PLEKHG5: variants seen among roughly 807,000 people sequenced by gnomAD.
PLEKHG5 encodes the protein pleckstrin homology domain-containing family G member 5.
A neutral mutation model predicts 103.8 loss-of-function variants in PLEKHG5; 52 were observed. The observed-to-expected ratio is 0.50, with a 90% CI of 0.40 to 0.63. The LOEUF (loss-of-function observed/expected upper bound fraction) is 0.63, where lower values mean the gene tolerates loss of function less well. Ranked by LOEUF, PLEKHG5 falls within the 30% of genes least tolerant of loss-of-function variation. The pLI is 0.00. For missense variants in PLEKHG5, 1,205 were observed against 1,347.6 expected (o/e 0.89, Z 1.66); for synonymous variants, 592 against 575.5 (o/e 1.03, Z -0.41).
intron 1 of PLEKHG5, among the ~76,000 whole-genome samples, chr1:6,502,870 C>A (rs758807817): frequency 5.3e-5 from 8 of 152,222 alleles, no homozygotes; most frequent in Non-Finnish European, 8.8e-5. Context: ...GAGACCTGTT[C>A]ACGTGCTGTG....
At chr1:6,485,995 G>T in intron 1 of PLEKHG5, 2 of 738,008 alleles carry the variant, frequency 2.7e-6, no homozygotes, top group Non-Finnish European at 3.3e-6. Flanking sequence ...CCACCTTGGA[G>T]ACTGTGGAGC....
chr1:6,478,512 C>T (rs536621359), intron 1 of PLEKHG5, among the ~76,000 whole-genome samples: 65 of 152,308 alleles, frequency 4.3e-4, no homozygotes, highest in African/African-American at 1.4e-3. Flanking sequence ...CCTCCAGCTA[C>T]GGCTGACTTT....
In PLEKHG5 at chr1:6,473,049, C is replaced by CTCGTCTTCA. The variant is rs754375541; in HGVS notation, c.912_920dup (p.Asp304_Asp306dup). On this transcript the variant is annotated inframe_insertion, in exon 9 of 21. Transcript: ENST00000377728. ...GCCTCAGGCAGGCATTGTCCTCATC[C>CTCGTCTTCA]TCGTCTTCATCGTACTCCTCCTCCC... 3.7e-6 allele frequency: 6 copies of CTCGTCTTCA among 1,613,950 alleles called. No homozygotes were observed. Among genetic ancestry groups the CTCGTCTTCA allele is most frequent in the Non-Finnish European group, 4.2e-6 (5 of 1,179,906 alleles).
intron 1 of PLEKHG5, among the ~76,000 whole-genome samples, chr1:6,483,519 G>A (rs578160807): frequency 2.0e-5 from 3 of 152,310 alleles, no homozygotes; most frequent in Admixed American, 6.5e-5. Context: ...AACAAAATTA[G>A]CCGGGTGTGG....
chr1:6,474,707 GA>G (rs1644708265), intron 5 of PLEKHG5, 120 bp from the exon 6 acceptor site: 1 of 979,666 alleles, frequency 1.0e-6, no homozygotes, highest in Non-Finnish European at 1.5e-6. Context: ...CTTCCCAACG[GA>G]AAAGGGAAGC....
chr1:6,470,554 G>A lies in PLEKHG5; in HGVS notation c.1632C>T (p.Arg544=), dbSNP rs774560960. ...TTTCCACCACCTCGTAGGCGTCGATGCGGCTCACCACGGCCGCCAGCCGCT... is the reference window on the plus strand; with the variant it reads ...TTTCCACCACCTCGTAGGCGTCGATACGGCTCACCACGGCCGCCAGCCGCT... The part of the protein sequence containing the change: ...ERQRLAAVVS[R]IDAYEVVESS... Residue 544 remains arginine, a synonymous_variant, in exon 15 of 21, where the codon CGC becomes CGT. Transcript: ENST00000377728. 6.2e-7 allele frequency: 1 copy of A among 1,603,090 alleles called. No homozygotes were observed. The highest frequency in any genetic ancestry group is 1.1e-5 in the South Asian group (1 of 90,882).
Position 6,469,523 on chromosome 1 carries a change from CAG to C in PLEKHG5, c.1933+19_1933+20del. On this transcript the variant is annotated intron_variant, in intron 17 of 20. Coordinates refer to ENST00000377728, the MANE Select transcript of PLEKHG5 (RefSeq NM_020631.6). ...ACCCATCACAGCCCCTGACCAGGAA[CAG>C]GGGACCAGGGCTCCTTACCAGGGTC... The C allele has an allele frequency of 1.9e-6, 3 of 1,613,868 alleles. No homozygotes were observed. Among genetic ancestry groups the C allele is most frequent in the Non-Finnish European group, 2.5e-6 (3 of 1,180,032 alleles).
rs1213022674 is a variant in PLEKHG5 at position 6,473,912 on chromosome 1, G to C, written c.591+101C>G. On this transcript the variant is annotated intron_variant, in intron 7 of 20. Transcript: ENST00000377728. Reference sequence around the variant, plus strand: ...GAAGGGACAATTAAAACCCCAAGATGGGGCAGTGAGAGACCCAGGGTGACT... The same window carrying C: ...GAAGGGACAATTAAAACCCCAAGATCGGGCAGTGAGAGACCCAGGGTGACT... 1.0e-4 allele frequency: 117 copies of C among 1,151,268 alleles called. No homozygotes were observed. The East Asian group carries it at 2.0e-3, about 20-fold the overall frequency. The allele number at this position is 1,151,268 out of a possible 1,614,324, so 71.3% of individuals were successfully genotyped here.
intron 1 of PLEKHG5, among the ~76,000 whole-genome samples, chr1:6,478,125 C>G (rs193075200): frequency 6.6e-6 from 1 of 152,176 alleles, no homozygotes; most frequent in African/African-American, 2.4e-5. Flanking sequence ...ACCTCGTGAA[C>G]AGCCCGCCTG....
rs141942481 is a variant in PLEKHG5 at position 6,476,930 on chromosome 1, T to G, written c.43+599A>C. Among the ~76,000 whole-genome samples, 129 of 152,190 alleles carry G rather than the reference T, an allele frequency of 8.5e-4. 1 individual carries two copies. The highest frequency in any genetic ancestry group is 3.0e-3 in the African/African-American group (123 of 41,530). On this transcript the variant is annotated intron_variant, in intron 2 of 20. Coordinates refer to ENST00000377728, the MANE Select transcript of PLEKHG5 (RefSeq NM_020631.6). ...CACCACACCTGGCTAATTTTTGTAT[T>G]TTTTGTATTCCAGACATGAGCCACC...
chr1:6,509,456 C>T (rs1638415596), intron 1 of PLEKHG5, among the ~76,000 whole-genome samples: 1 of 152,196 alleles, frequency 6.6e-6, no homozygotes, highest in Non-Finnish European at 1.5e-5. Flanking sequence ...GCAGGGTCCA[C>T]CCCCGCAAGG....
intron 20 of PLEKHG5, 29 bp from the exon 21 acceptor site, chr1:6,467,601 T>C (rs1644419343): frequency 8.7e-6 from 14 of 1,611,640 alleles, no homozygotes; most frequent in African/African-American, 1.3e-5. Context: ...ACAGAGTCCT[T>C]CTTTGGCTGA....
At position 6,468,471 on chromosome 1, in the gene PLEKHG5, G is replaced by A. The variant is rs138822181; in HGVS notation, c.2365C>T (p.Leu789Phe). The change falls in exon 20 of 21, where the codon CTC becomes TTC. Residue 789 changes from leucine to phenylalanine, a missense_variant. By Grantham distance (22) the Leu-to-Phe change is conservative. Coordinates refer to ENST00000377728, the MANE Select transcript of PLEKHG5 (RefSeq NM_020631.6). ...GTGGCAGATGAGGCAGTGGTGCTGA[G>A]AGAGGTCTCATCAGACTGGGAGCTG... is the stretch of plus-strand genomic sequence containing the variant. Reference protein sequence around the residue: ...PFSSQSDETSLSTTASSATPT... With the variant: ...PFSSQSDETSFSTTASSATPT... 11 of 1,612,984 alleles carry A rather than the reference G, an allele frequency of 6.8e-6. No individual in the cohort carries two copies. The highest frequency in any genetic ancestry group is 3.3e-5 in the Admixed American group (2 of 60,010).
chr1:6,502,692 T>A (rs1238551265), intron 1 of PLEKHG5, among the ~76,000 whole-genome samples: 1 of 152,080 alleles, frequency 6.6e-6, no homozygotes, highest in Admixed American at 6.5e-5. Flanking sequence ...GAGATCCCAA[T>A]TCCCGACAGT....
chr1:6,470,101 A>G, intron 16 of PLEKHG5, 135 bp downstream of exon 16: 1 of 982,024 alleles, frequency 1.0e-6, no homozygotes, highest in Non-Finnish European at 1.5e-6. Context: ...CAGGCAGAGA[A>G]CTGTCATTCA....
At chr1:6,508,479 G>A (rs1164825269) in intron 1 of PLEKHG5, among the ~76,000 whole-genome samples, 1 of 152,176 alleles carries the variant, frequency 6.6e-6, no homozygotes, top group Non-Finnish European at 1.5e-5. Flanking sequence ...CAGCCCCAGT[G>A]GGTCAGGGGA....
At chr1:6,518,332 A>G (rs1045529918) in intron 1 of PLEKHG5, among the ~76,000 whole-genome samples, 2 of 151,518 alleles carry the variant, frequency 1.3e-5, no homozygotes, top group Middle Eastern at 3.2e-3. Context: ...AGGCCGAGGC[A>G]GGCAGATCAC....
Position 6,477,641 on chromosome 1 carries a change from G to A in PLEKHG5, c.-70C>T. The A allele has an allele frequency of 4.4e-6, 7 of 1,605,862 alleles. No individual in the cohort carries two copies. Among genetic ancestry groups the A allele is most frequent in the Non-Finnish European group, 5.9e-6 (7 of 1,179,920 alleles). ...GCCCCCGGCGGTGCAGCTGCTGGCAGTCGGCGTGGTGACATACCTGGGGTG... is the reference window on the plus strand; with the variant it reads ...GCCCCCGGCGGTGCAGCTGCTGGCAATCGGCGTGGTGACATACCTGGGGTG... On this transcript the variant is annotated 5_prime_UTR_variant, in exon 2 of 21. Coordinates refer to ENST00000377728, the MANE Select transcript of PLEKHG5 (RefSeq NM_020631.6).
At chr1:6,474,380 T>A in intron 6 of PLEKHG5, 71 bp downstream of exon 6, 1 of 1,581,220 alleles carries the variant, frequency 6.3e-7, no homozygotes, top group Non-Finnish European at 8.6e-7. Flanking sequence ...AACCTGAGCC[T>A]GGGAAGGGCG....
Sources: allele counts gnomAD v4.1 joint callset (sites outside exome capture counted in the v4.1 genomes callset), GRCh38; gene constraint gnomAD v4.1.1; transcripts MANE v1.5; gene names NCBI Gene and HGNC (gene_info 2026-07-23, HGNC 2026-07-21).